Variants in CDH18 observed in about 807,000 individuals in gnomAD.
The protein encoded by CDH18 is cadherin-18.
Under a neutral mutation model 67.9 loss-of-function variants are expected in CDH18, and 31 were observed. That is an observed-to-expected ratio of 0.46 (90% confidence interval 0.34 to 0.62). The LOEUF (loss-of-function observed/expected upper bound fraction) is 0.62, where lower values mean the gene tolerates loss of function less well. CDH18 is among the 20% of genes least tolerant of loss of function. The pLI, the probability that CDH18 is intolerant of heterozygous loss-of-function variation, is 0.01. For synonymous variants in CDH18, 362 were observed against 347.2 expected, an observed-to-expected ratio of 1.04 and a Z score of -0.48; for missense variants, 890 against 975.5, an observed-to-expected ratio of 0.91 and a Z score of 1.17.
chr5:19,526,416 A>G (rs1747760655), intron 9 of CDH18, among the ~76,000 whole-genome samples: 1 of 152,120 alleles, frequency 6.6e-6, no homozygotes, highest in East Asian at 1.9e-4. Context: ...TGTATGCTAC[A>G]ATATGTAGAA....
intron 2 of CDH18, among the ~76,000 whole-genome samples, chr5:20,194,888 T>C (rs887484203): frequency 6.6e-6 from 1 of 152,076 alleles, no homozygotes; most frequent in African/African-American, 2.4e-5. Context: ...CTTGATTTGC[T>C]TTTTCCCTCT....
At chr5:19,549,517 A>C (rs1736962270) in intron 8 of CDH18, among the ~76,000 whole-genome samples, 1 of 152,198 alleles carries the variant, frequency 6.6e-6, no homozygotes, top group African/African-American at 2.4e-5. Flanking sequence ...TCATTCAAAA[A>C]TACTCTCATT....
chr5:19,582,208 T>A (rs1296210880), intron 7 of CDH18, among the ~76,000 whole-genome samples: 1 of 151,964 alleles, frequency 6.6e-6, no homozygotes, highest in African/African-American at 2.4e-5. Context: ...GTTTTGTGCA[T>A]ATGTGTGCAC....
chr5:20,004,129 T>G (rs1736689952), intron 2 of CDH18, among the ~76,000 whole-genome samples: 1 of 152,176 alleles, frequency 6.6e-6, no homozygotes, highest in African/African-American at 2.4e-5. Context: ...TTCATATCTC[T>G]CATTTAGTTT....
In CDH18 at chr5:20,423,199, C is replaced by T. The variant is rs574146748; in HGVS notation, c.-580+152263G>A. Reference sequence around the variant, plus strand: ...GGCAATCCAGCAAGCAGGCATGCGCCCACTAGGCAGGAGATTGAATGAGCC... The same window carrying T: ...GGCAATCCAGCAAGCAGGCATGCGCTCACTAGGCAGGAGATTGAATGAGCC... On this transcript the variant is annotated intron_variant, in intron 1 of 14. Coordinates refer to the CDH18 transcript ENST00000507958. Among the ~76,000 whole-genome samples the T allele has an allele frequency of 4.9e-4, 74 of 151,338 alleles. 2 individuals carry two copies. The highest frequency in any genetic ancestry group is 9.3e-4 in the Non-Finnish European group (63 of 68,044).
chr5:19,819,141 C>T (rs972118447), intron 3 of CDH18, among the ~76,000 whole-genome samples: 1 of 151,626 alleles, frequency 6.6e-6, no homozygotes, highest in African/African-American at 2.4e-5. Context: ...AAAATCATGG[C>T]TTTAGCCACA....
chr5:20,061,600 T>C (rs977832920), intron 2 of CDH18, among the ~76,000 whole-genome samples: 1 of 152,176 alleles, frequency 6.6e-6, no homozygotes, highest in African/African-American at 2.4e-5. Context: ...TTAGTGGCAA[T>C]AGTGGGATTA....
chr5:20,567,809 G>C (rs1479041009), intron 1 of CDH18, among the ~76,000 whole-genome samples: 1 of 152,064 alleles, frequency 6.6e-6, no homozygotes, highest in Non-Finnish European at 1.5e-5. Context: ...TTTAATGACT[G>C]GGACAGTTTT....
intron 5 of CDH18, among the ~76,000 whole-genome samples, chr5:19,687,522 T>C (rs1761275973): frequency 6.6e-6 from 1 of 152,166 alleles, no homozygotes; most frequent in Admixed American, 6.5e-5. Flanking sequence ...GCAAACTTCG[T>C]TGGCATAGGA....
intron 6 of CDH18, among the ~76,000 whole-genome samples, chr5:19,608,061 G>A (rs917253139): frequency 6.6e-6 from 1 of 151,492 alleles, no homozygotes; most frequent in Non-Finnish European, 1.5e-5. Flanking sequence ...GTATCATCTT[G>A]GAAGACTTTA....
intron 1 of CDH18, among the ~76,000 whole-genome samples, chr5:20,286,723 C>A (rs1746722236): frequency 6.6e-6 from 1 of 151,614 alleles, no homozygotes; most frequent in Admixed American, 6.6e-5. Flanking sequence ...AGTGACTCAG[C>A]AAACTTATAA....
At chr5:20,418,338 G>T (rs186689777) in intron 1 of CDH18, among the ~76,000 whole-genome samples, 1 of 143,750 alleles carries the variant, frequency 7.0e-6, no homozygotes, top group African/African-American at 2.6e-5. Context: ...CAGGTGATCC[G>T]CCCACCTCGG....
rs184089832 is a variant in CDH18 at position 20,186,042 on chromosome 5, T to C, written c.-518+69402A>G. 7.9e-4 allele frequency among the ~76,000 whole-genome samples: 120 copies of C among 152,114 alleles called. 1 individual carries two copies. Among genetic ancestry groups the C allele is most frequent in the African/African-American group, 2.6e-3 (110 of 41,540 alleles). ...AAAGGAAACAGAAAGGAATGAAGAC[T>C]CATCTGTTGAATTCTTGCACTGATA... On this transcript the variant is annotated intron_variant, in intron 2 of 14. Transcript: ENST00000507958.
rs969621649 is a variant in CDH18 at position 19,604,847 on chromosome 5, G to T, written c.811+7587C>A. Among the ~76,000 whole-genome samples the T allele has an allele frequency of 4.7e-5, 7 of 148,740 alleles. No individual in the cohort carries two copies. In the South Asian group the frequency reaches 6.4e-4, roughly 14 times the overall value. ...AGGAAAGCTGATTATTCTATAGAAAGTTTTTTTTTTCTCTCAAGTATTATA... is the reference window on the plus strand; with the variant it reads ...AGGAAAGCTGATTATTCTATAGAAATTTTTTTTTTTCTCTCAAGTATTATA... On this transcript the variant is annotated intron_variant, in intron 6 of 12. Coordinates refer to ENST00000382275, the MANE Select transcript of CDH18 (RefSeq NM_004934.5).
chr5:20,154,416 CTT>C (rs1226270860), intron 2 of CDH18, among the ~76,000 whole-genome samples: 2 of 152,086 alleles, frequency 1.3e-5, no homozygotes, highest in African/African-American at 4.8e-5. Context: ...AATTTATTCT[CTT>C]TTTCTTCTTA....
chr5:19,743,642 C>G (rs1452860323), intron 4 of CDH18, among the ~76,000 whole-genome samples: 3 of 152,116 alleles, frequency 2.0e-5, no homozygotes, highest in Non-Finnish European at 4.4e-5. Flanking sequence ...CAGAGTTGGC[C>G]AGACACAGTG....
At chr5:19,692,125 T>G (rs1299742989) in intron 5 of CDH18, among the ~76,000 whole-genome samples, 1 of 151,972 alleles carries the variant, frequency 6.6e-6, no homozygotes, top group African/African-American at 2.4e-5. Flanking sequence ...AGAACACTGA[T>G]AGAGGGAAAG....
At chr5:19,782,616 C>G (rs1324909256) in intron 3 of CDH18, among the ~76,000 whole-genome samples, 1 of 152,126 alleles carries the variant, frequency 6.6e-6, no homozygotes, top group African/African-American at 2.4e-5. Context: ...GATTAGGAGC[C>G]TAATTTTGGT....
At chr5:19,615,694 T>G (rs899290142) in intron 5 of CDH18, among the ~76,000 whole-genome samples, 3 of 152,116 alleles carry the variant, frequency 2.0e-5, no homozygotes, top group African/African-American at 7.2e-5. Context: ...CTCTTCTCTA[T>G]CCCTCCCCTC....
Sources: allele counts gnomAD v4.1 joint callset (sites outside exome capture counted in the v4.1 genomes callset), GRCh38; gene constraint gnomAD v4.1.1; transcripts MANE v1.5; gene names NCBI Gene and HGNC (gene_info 2026-07-23, HGNC 2026-07-21).